FSD1L: variants seen among roughly 807,000 people sequenced by gnomAD.
FSD1L encodes fibronectin type III and SPRY domain containing 1 like.
A neutral mutation model predicts 71.6 loss-of-function variants in FSD1L; 45 were observed. The ratio of observed to expected loss-of-function variants is 0.63; its 90% CI spans 0.49 to 0.81. FSD1L has a LOEUF of 0.81. Among genes scored for constraint, FSD1L ranks in the 30% least tolerant of loss-of-function variants. The probability of loss-of-function intolerance (pLI) is 0.00; values close to 1 mark genes in which losing one functional copy is unlikely to be tolerated. For missense variants in FSD1L, 561 were observed against 618.1 expected (o/e 0.91, Z 0.98); for synonymous variants, 197 against 207.2 (o/e 0.95, Z 0.42).
At chr9:105,545,035 G>A (rs1485281528) in intron 13 of FSD1L, among the ~76,000 whole-genome samples, 12 of 151,974 alleles carry the variant, frequency 7.9e-5, no homozygotes, top group Admixed American at 2.6e-4. Flanking sequence ...CCATTTTCAC[G>A]ATATTGATTC....
intron 10 of FSD1L, among the ~76,000 whole-genome samples, chr9:105,533,167 C>T (rs1836005723): frequency 6.6e-6 from 1 of 151,956 alleles, no homozygotes; most frequent in Admixed American, 6.6e-5. Context: ...TTAGGATAAT[C>T]TTGACCAAAA....
rs910110098 is a variant in FSD1L, at chr9:105,550,078, G to C, written c.*3595G>C. 3 of 151,974 alleles carry C rather than the reference G, an allele frequency of 2.0e-5. No homozygotes were observed. The highest frequency in any genetic ancestry group is 7.2e-5 in the African/African-American group (3 of 41,420). 9.4% of individuals were successfully genotyped at this position (151,974 alleles called of 1,614,324 possible). On this transcript the variant is annotated 3_prime_UTR_variant, in exon 14 of 14. Transcript: ENST00000481272. ...ATACAGCAAATATTTGAGTGTTTGT[G>C]ATATGGCAGTAAAAATGTGATTACT...
intron 12 of FSD1L, 42 bp from the exon 13 acceptor site, chr9:105,539,220 AT>A (rs1836454164): frequency 1.1e-6 from 1 of 921,190 alleles, no homozygotes; most frequent in Non-Finnish European, 1.6e-6. Context: ...AAATGTTACA[AT>A]TTTTTGTATA....
rs1837083771 is a variant in FSD1L at position 105,547,633 on chromosome 9, A to G, written c.*1150A>G. ...CTACATTCACTTTCTTTTCAAAGAA[A>G]TGTTAATTATTACAAAAATTGACAT... On this transcript the variant is annotated 3_prime_UTR_variant, in exon 14 of 14. Transcript: ENST00000481272. 6.6e-6 allele frequency: 1 copy of G among 152,110 alleles called. No homozygotes were observed. The highest frequency in any genetic ancestry group is 3.2e-3 in the Middle Eastern group (1 of 316). The allele number at this position is 152,110 out of a possible 1,614,324, so 9.4% of individuals were successfully genotyped here. A position where few individuals can be genotyped will look rare whatever the true frequency, so the allele number is the denominator to read the frequency against.
intron 7 of FSD1L, among the ~76,000 whole-genome samples, chr9:105,489,622 A>G (rs901683385): frequency 2.6e-5 from 4 of 152,238 alleles, no homozygotes; most frequent in Admixed American, 1.3e-4. Flanking sequence ...GTCATTTAGC[A>G]TTAGGTATAT....
chr9:105,486,680 A>T (rs1227515158), intron 7 of FSD1L, among the ~76,000 whole-genome samples: 1 of 152,146 alleles, frequency 6.6e-6, no homozygotes, highest in African/African-American at 2.4e-5. Context: ...TATAATTTCC[A>T]TCTGAGTGGA....
At chr9:105,509,691 A>T (rs887072020) in intron 9 of FSD1L, among the ~76,000 whole-genome samples, 3 of 152,252 alleles carry the variant, frequency 2.0e-5, no homozygotes, top group African/African-American at 7.2e-5. Context: ...AGACAAACTC[A>T]GAAAAATGTT....
rs550805057 is a variant in FSD1L, at chr9:105,474,690, T to G, written c.441+2685T>G. 1.4e-4 allele frequency among the ~76,000 whole-genome samples: 22 copies of G among 152,336 alleles called. No individual in the cohort carries two copies. In the South Asian group the frequency reaches 4.3e-3, roughly 30 times the overall value. The stretch of plus-strand genomic sequence containing the variant: ...CCACATTAAAGTGCTTAAATGAGAT[T>G]AATATGAATGGCCCATGAGGACAAA... On this transcript the variant is annotated intron_variant, in intron 5 of 13. Coordinates refer to ENST00000481272, the MANE Select transcript of FSD1L (RefSeq NM_001145313.3).
intron 5 of FSD1L, among the ~76,000 whole-genome samples, chr9:105,475,819 C>G (rs1831757424): frequency 1.3e-5 from 2 of 152,086 alleles, no homozygotes; most frequent in Admixed American, 1.3e-4. Context: ...TTCAAATGAT[C>G]ATGCTTTTTG....
At position 105,548,776 on chromosome 9, in the gene FSD1L, C is replaced by G. The variant is rs536821535; in HGVS notation, c.*2293C>G. The G allele has an allele frequency of 1.4e-4, 22 of 152,092 alleles. No individual in the cohort carries two copies. The South Asian group carries it at 4.4e-3, about 30-fold the overall frequency. The allele number at this position is 152,092 out of a possible 1,614,324, so 9.4% of individuals were successfully genotyped here. Reference sequence around the variant, plus strand: ...TTCTCATCACATGTATTATTTGATACTAAATTTTCAATTATTACTTCAAAA... The same window carrying G: ...TTCTCATCACATGTATTATTTGATAGTAAATTTTCAATTATTACTTCAAAA... On this transcript the variant is annotated 3_prime_UTR_variant, in exon 14 of 14. Transcript: ENST00000481272.
intron 9 of FSD1L, among the ~76,000 whole-genome samples, chr9:105,509,871 T>A (rs1280235554): frequency 1.3e-5 from 2 of 152,218 alleles, no homozygotes; most frequent in Non-Finnish European, 2.9e-5. Flanking sequence ...TTTACCATTT[T>A]AAAATAATAG....
At position 105,495,748 on chromosome 9, in the gene FSD1L, G is replaced by A. The variant is rs1211953129; in HGVS notation, c.587-10651G>A. On this transcript the variant is annotated intron_variant, in intron 7 of 13. Coordinates refer to ENST00000481272, the MANE Select transcript of FSD1L (RefSeq NM_001145313.3). ...CCCCAGCATTTTGGGAGCCCGAGGC[G>A]GGCAGATCACAAGGTCAGGAGATCG... is the stretch of plus-strand genomic sequence containing the variant. Among the ~76,000 whole-genome samples, 5 of 152,268 alleles carry A rather than the reference G, an allele frequency of 3.3e-5. 1 individual carries two copies. The highest frequency in any genetic ancestry group is 4.1e-4 in the South Asian group (2 of 4,832).
At chr9:105,530,566 G>A (rs1236537976) in intron 10 of FSD1L, 1 of 694,810 alleles carries the variant, frequency 1.4e-6, no homozygotes, top group Non-Finnish European at 2.6e-6. Context: ...ACATTTTGAA[G>A]CAGTGCTAAG....
intron 10 of FSD1L, 72 bp downstream of exon 10, chr9:105,513,008 A>G: frequency 7.7e-7 from 1 of 1,297,982 alleles, no homozygotes; most frequent in South Asian, 2.0e-5. Flanking sequence ...AATAACTTTT[A>G]TTGAAATTCT....
intron 6 of FSD1L, among the ~76,000 whole-genome samples, chr9:105,482,737 T>A (rs944789460): frequency 1.3e-5 from 2 of 152,236 alleles, no homozygotes; most frequent in Non-Finnish European, 2.9e-5. Context: ...TTGTTTTTTT[T>A]AAAGCTTTGA....
intron 1 of FSD1L, among the ~76,000 whole-genome samples, chr9:105,456,492 A>G (rs1830365340): frequency 6.6e-6 from 1 of 152,238 alleles, no homozygotes; most frequent in African/African-American, 2.4e-5. Context: ...GATAATGATT[A>G]TAAACATAAC....
At chr9:105,536,144 T>G (rs1029556985) in intron 12 of FSD1L, among the ~76,000 whole-genome samples, 1 of 152,238 alleles carries the variant, frequency 6.6e-6, no homozygotes, top group Non-Finnish European at 1.5e-5. Flanking sequence ...TGAAGAACTT[T>G]TAATGTGAAG....
intron 10 of FSD1L, among the ~76,000 whole-genome samples, chr9:105,516,812 A>T (rs922880763): frequency 3.9e-5 from 6 of 152,332 alleles, no homozygotes; most frequent in Middle Eastern, 3.4e-3. Flanking sequence ...ACAAACCTGG[A>T]TGGAGAATGA....
chr9:105,485,753 C>A (rs189265026), intron 7 of FSD1L, among the ~76,000 whole-genome samples: 2 of 151,758 alleles, frequency 1.3e-5, no homozygotes, highest in Middle Eastern at 3.4e-3. Flanking sequence ...GCGCCATTCT[C>A]CTGCCTCAGC....
Sources: gnomAD v4.1 joint callset for allele counts (sites outside exome capture counted in the v4.1 genomes callset) on GRCh38, gnomAD v4.1.1 for gene constraint, MANE v1.5 for transcripts, NCBI Gene and HGNC (gene_info 2026-07-23, HGNC 2026-07-21) for gene names.